TNRC6B: variants seen among roughly 807,000 people sequenced by gnomAD.
TNRC6B encodes trinucleotide repeat containing adaptor 6B, also known as trinucleotide repeat-containing gene 6B protein.
TNRC6B carries 52 observed loss-of-function variants against 203.6 expected under a neutral mutation model. The ratio of observed to expected loss-of-function variants is 0.26; its 90% confidence interval spans 0.20 to 0.32. The LOEUF (loss-of-function observed/expected upper bound fraction) is 0.32, where lower values mean the gene tolerates loss of function less well. Ranked by LOEUF, TNRC6B falls within the 10% of genes least tolerant of loss-of-function variation. The pLI is 1.00. For missense variants in TNRC6B, 1,923 were observed against 2,286.2 expected, an observed-to-expected ratio of 0.84 and a Z score of 3.24; for synonymous variants, 838 against 845.7, an observed-to-expected ratio of 0.99 and a Z score of 0.16.
rs771902701 is a variant in TNRC6B at position 40,280,127 on chromosome 22, G to T, written c.3395G>T (p.Gly1132Val). 6.2e-7 allele frequency: 1 copy of T among 1,612,848 alleles called. No individual in the cohort carries two copies. Among genetic ancestry groups the T allele is most frequent in the South Asian group, 1.1e-5 (1 of 90,958 alleles). The change falls in exon 10 of 23, where the codon GGG (glycine) becomes GTG (valine). Residue 1132 changes from glycine to valine, a missense_variant. Physicochemically the swap from Gly to Val is moderately radical, Grantham distance 109 (BLOSUM62 -3). Around this residue, in one of 8 missense-constraint regions of TNRC6B, gnomAD observed 599 missense variants for 656.5 expected, o/e 0.91. Coordinates refer to ENST00000454349, the MANE Select transcript of TNRC6B (RefSeq NM_001162501.2). ...NSKDMGTTDS[G>V]PYFEKLTLPF... ...AAAGACATGGGAACCACAGATAGTGGGCCTTATTTTGAGAAGGTGAGTTGA... is the reference window on the plus strand; with the variant it reads ...AAAGACATGGGAACCACAGATAGTGTGCCTTATTTTGAGAAGGTGAGTTGA...
At chr22:40,105,906 T>G (rs1569262053) in intron 1 of TNRC6B, among the ~76,000 whole-genome samples, 1 of 152,200 alleles carries the variant, frequency 6.6e-6, no homozygotes, top group Non-Finnish European at 1.5e-5. Flanking sequence ...TGTGTGAAGA[T>G]TTCTGTTGTT....
chr22:40,134,731 A>G (rs1363548159), intron 3 of TNRC6B, among the ~76,000 whole-genome samples: 1 of 152,188 alleles, frequency 6.6e-6, no homozygotes, highest in Non-Finnish European at 1.5e-5. Flanking sequence ...ATAATAATGT[A>G]TCAATATTGG....
chr22:40,125,334 G>A (rs1398756318), intron 2 of TNRC6B, among the ~76,000 whole-genome samples: 9 of 152,096 alleles, frequency 5.9e-5, no homozygotes, highest in Admixed American at 2.6e-4. Flanking sequence ...TTATAAGCCC[G>A]GGAAACCCTG....
At chr22:40,103,729 A>C (rs1442351308) in intron 1 of TNRC6B, among the ~76,000 whole-genome samples, 5 of 151,324 alleles carry the variant, frequency 3.3e-5, no homozygotes, top group African/African-American at 1.2e-4. Context: ...TGCAACCTCT[A>C]CCTCTCAGGT....
At chr22:40,311,782 A>T (rs377619041) in intron 17 of TNRC6B, among the ~76,000 whole-genome samples, 6 of 152,344 alleles carry the variant, frequency 3.9e-5, no homozygotes, top group East Asian at 1.9e-4. Flanking sequence ...ACCTCAGGTG[A>T]TCTGCCCGCC....
intron 7 of TNRC6B, among the ~76,000 whole-genome samples, chr22:40,274,443 C>G (rs554823083): frequency 1.4e-5 from 2 of 143,996 alleles, no homozygotes; most frequent in African/African-American, 5.2e-5. Flanking sequence ...TTTTTTGAGA[C>G]GGAGTCTTGC....
At chr22:40,287,874 A>G (rs535664519) in intron 12 of TNRC6B, among the ~76,000 whole-genome samples, 4 of 152,314 alleles carry the variant, frequency 2.6e-5, no homozygotes, top group East Asian at 1.9e-4. Context: ...ATGTATAGAA[A>G]TGTTTAACAG....
intron 1 of TNRC6B, among the ~76,000 whole-genome samples, chr22:40,208,940 C>T (rs968541003): frequency 6.6e-6 from 1 of 152,126 alleles, no homozygotes; most frequent in Admixed American, 6.5e-5. Context: ...AGGCGTCTGC[C>T]TCTGTAGACA....
chr22:40,239,203 A>G (rs2069992110), intron 1 of TNRC6B, among the ~76,000 whole-genome samples: 1 of 151,650 alleles, frequency 6.6e-6, no homozygotes, highest in African/African-American at 2.4e-5. Context: ...ACTCCATCTC[A>G]AAAAGAAAAG....
intron 1 of TNRC6B, among the ~76,000 whole-genome samples, chr22:40,231,518 A>G (rs1388732081): frequency 7.5e-6 from 1 of 134,072 alleles, no homozygotes; most frequent in Non-Finnish European, 1.7e-5. Flanking sequence ...ACTTATATAT[A>G]TGGAATCTTT....
At chr22:40,322,641 A>G (rs538994724) in intron 22 of TNRC6B, among the ~76,000 whole-genome samples, 1 of 152,328 alleles carries the variant, frequency 6.6e-6, no homozygotes, top group South Asian at 2.1e-4. Flanking sequence ...TTACATCATT[A>G]CTTCTTAATT....
rs575343167 is a variant in TNRC6B, at chr22:40,306,059, G to A, written c.4121-2453G>A. 1.4e-4 allele frequency among the ~76,000 whole-genome samples: 21 copies of A among 152,198 alleles called. No individual in the cohort carries two copies. The South Asian group carries it at 1.7e-3, about 12-fold the overall frequency. On this transcript the variant is annotated intron_variant, in intron 15 of 22. Transcript: ENST00000454349. Reference sequence around the variant, plus strand: ...TGTAATCCCAGCACTTTGAGAGACCGAGGCGGGCGGCTCACAAGGTCAGGA... The same window carrying A: ...TGTAATCCCAGCACTTTGAGAGACCAAGGCGGGCGGCTCACAAGGTCAGGA...
chr22:40,202,268 T>TTTTTGTTTTTTTG (rs1569019069), intron 1 of TNRC6B, among the ~76,000 whole-genome samples: 34 of 151,856 alleles, frequency 2.2e-4, no homozygotes, highest in African/African-American at 7.0e-4. Context: ...TTGTTTTTTT[T>TTTTTGTTTTTTTG]TTTTTTGCCT....
intron 1 of TNRC6B, among the ~76,000 whole-genome samples, chr22:40,178,830 G>T (rs367782057): frequency 6.6e-6 from 1 of 152,072 alleles, no homozygotes; most frequent in Non-Finnish European, 1.5e-5. Context: ...AGCCAGATGC[G>T]CTTTTATTTT....
At chr22:40,259,893 C>G (rs2070349493) in intron 3 of TNRC6B, among the ~76,000 whole-genome samples, 2 of 152,220 alleles carry the variant, frequency 1.3e-5, no homozygotes. Context: ...ATCATCCGAA[C>G]TGTCAGGCTT....
chr22:40,123,669 G>A (rs1157884178), intron 2 of TNRC6B, among the ~76,000 whole-genome samples: 1 of 152,216 alleles, frequency 6.6e-6, no homozygotes, highest in Non-Finnish European at 1.5e-5. Context: ...CTGAGCACAG[G>A]CCTGCAAGCA....
At chr22:40,318,507 A>G (rs1423520697) in intron 21 of TNRC6B, among the ~76,000 whole-genome samples, 1 of 152,154 alleles carries the variant, frequency 6.6e-6, no homozygotes, top group Admixed American at 6.5e-5. Context: ...AGATTGCGCC[A>G]CTGCACTCCA....
chr22:40,104,528 A>G (rs1184963615), intron 1 of TNRC6B, among the ~76,000 whole-genome samples: 1 of 152,238 alleles, frequency 6.6e-6, no homozygotes, highest in Non-Finnish European at 1.5e-5. Context: ...TTCACTGAAT[A>G]TCTGCTACCT....
intron 1 of TNRC6B, among the ~76,000 whole-genome samples, chr22:40,229,532 C>T (rs1457316941): frequency 1.3e-5 from 2 of 151,208 alleles, no homozygotes; most frequent in East Asian, 2.0e-4. Flanking sequence ...AAGTTTCAAA[C>T]GATGTATGCA....
Sources: gnomAD v4.1 joint callset for allele counts (sites outside exome capture counted in the v4.1 genomes callset) on GRCh38, gnomAD v4.1.1 for gene constraint, gnomAD v4.1.1 regional missense constraint, MANE v1.5 for transcripts, NCBI Gene and HGNC (gene_info 2026-07-23, HGNC 2026-07-21) for gene names.